The following GNAS variants were observed in gnomAD, a reference collection of about 807,000 sequenced individuals.
GNAS encodes the protein protein ALEX.
GNAS carries 8 observed loss-of-function variants against 54.5 expected under a neutral mutation model. The ratio of observed to expected loss-of-function variants is 0.15; its 90% CI spans 0.09 to 0.26. The LOEUF is 0.26. Ranked by LOEUF, GNAS falls within the 10% of genes least tolerant of loss-of-function variation. The pLI, the probability that GNAS is intolerant of heterozygous loss-of-function variation, is 1.00. For missense variants in GNAS, 170 were observed against 529.8 expected, an observed-to-expected ratio of 0.32 and a Z score of 6.67; for synonymous variants, 204 against 191.4, an observed-to-expected ratio of 1.07 and a Z score of -0.54.
At chr20:58,862,167 T>C (rs1219692528) in intron 1 of GNAS, among the ~76,000 whole-genome samples, 1 of 152,070 alleles carries the variant, frequency 6.6e-6, no homozygotes, top group East Asian at 1.9e-4. Context: ...TTGTTGTTTT[T>C]TGTTTTTTGA....
At chr20:58,842,980 C>T (rs1453580892) in intron 1 of GNAS, among the ~76,000 whole-genome samples, 1 of 152,196 alleles carries the variant, frequency 6.6e-6, no homozygotes, top group Non-Finnish European at 1.5e-5. Flanking sequence ...CCACACCTCA[C>T]ACCCATCTTG....
At chr20:58,889,463 C>G, upstream of GNAS, 2 of 539,408 alleles carry the variant, frequency 3.7e-6, no homozygotes, top group Non-Finnish European at 4.7e-6. Flanking sequence ...CTGCCTTGCC[C>G]CGGGGCGCCT....
At chr20:58,899,025 A>C in intron 3 of GNAS, 40 bp downstream of exon 3, 1 of 1,508,546 alleles carries the variant, frequency 6.6e-7, no homozygotes, top group African/African-American at 1.4e-5. Context: ...TTAACAAACC[A>C]AACAAACATG....
At chr20:58,842,894 A>G (rs1055638331) in intron 1 of GNAS, among the ~76,000 whole-genome samples, 12 of 152,200 alleles carry the variant, frequency 7.9e-5, no homozygotes, top group Non-Finnish European at 1.6e-4. Flanking sequence ...ACAGAGAATT[A>G]TTCATTAGAG....
chr20:58,889,483 C>T (rs1406814445), upstream of GNAS: 3 of 317,582 alleles, frequency 9.4e-6, no homozygotes, highest in Admixed American at 1.3e-4. Context: ...TCCGGGCACC[C>T]CCCAATTCTC....
chr20:58,870,923 C>A lies in GNAS; in HGVS notation c.44-24689C>A, dbSNP rs1026206609. 2.0e-5 allele frequency among the ~76,000 whole-genome samples: 3 copies of A among 152,322 alleles called. No homozygotes were observed. The South Asian group carries it at 6.2e-4, about 32-fold the overall frequency. On this transcript the variant is annotated intron_variant, in intron 1 of 12. Coordinates refer to the GNAS transcript ENST00000306090. The stretch of plus-strand genomic sequence containing the variant: ...AGGAAATCCCCCCAGCCTACCCTCA[C>A]CCTGCTGTGATTTTACTGATCATTA...
intron 1 of GNAS, 81 bp downstream of exon 1, chr20:58,891,946 C>A: frequency 1.1e-6 from 1 of 872,010 alleles, no homozygotes; most frequent in Non-Finnish European, 1.4e-6. Context: ...CGAGCCCGCC[C>A]CCCGCCCCGG....
At chr20:58,862,848 C>G (rs1014855930) in intron 1 of GNAS, among the ~76,000 whole-genome samples, 1 of 151,592 alleles carries the variant, frequency 6.6e-6, no homozygotes, top group African/African-American at 2.4e-5. Flanking sequence ...CACCTGTCAC[C>G]CCTGCCTATC....
At chr20:58,885,432 G>A (rs2088527437) in intron 1 of GNAS, among the ~76,000 whole-genome samples, 1 of 152,204 alleles carries the variant, frequency 6.6e-6, no homozygotes, top group Non-Finnish European at 1.5e-5. Context: ...AGTATGTTCT[G>A]AATTAAAAAC....
chr20:58,848,076 T>C (rs1020843805), intron 1 of GNAS, among the ~76,000 whole-genome samples: 3 of 152,240 alleles, frequency 2.0e-5, no homozygotes, highest in African/African-American at 4.8e-5. Context: ...AAAACGCCAC[T>C]GTTTGCCACC....
chr20:58,858,030 A>AGC (rs2086588858), intron 1 of GNAS, among the ~76,000 whole-genome samples: 1 of 152,212 alleles, frequency 6.6e-6, no homozygotes, highest in African/African-American at 2.4e-5. Flanking sequence ...AGTTTGTCAA[A>AGC]GCAGGCTACA....
At chr20:58,854,987 T>C in intron 1 of GNAS, 1 of 1,612,508 alleles carries the variant, frequency 6.2e-7, no homozygotes, top group East Asian at 2.2e-5. Context: ...GCAGCGACGA[T>C]GACTCCAGCG....
At chr20:58,840,831 T>A, upstream of GNAS, 1 of 1,612,794 alleles carries the variant, frequency 6.2e-7, no homozygotes, top group Non-Finnish European at 8.5e-7. This position sits in a 1 kb window ranked among gnomAD's most constrained non-coding sequence, Gnocchi z 6.0. Context: ...CCCATCCCCA[T>A]CCGGCGTCAC....
At chr20:58,871,454 A>G (rs1178098941) in intron 1 of GNAS, among the ~76,000 whole-genome samples, 1 of 152,004 alleles carries the variant, frequency 6.6e-6, no homozygotes, top group Non-Finnish European at 1.5e-5. Flanking sequence ...ATCTCTACTA[A>G]AAATACAAAA....
At chr20:58,883,486 CT>C (rs1354637334) in intron 1 of GNAS, among the ~76,000 whole-genome samples, 2 of 152,154 alleles carry the variant, frequency 1.3e-5, no homozygotes, top group Non-Finnish European at 2.9e-5. Flanking sequence ...AAAAAATCTC[CT>C]TTTCATCTGA....
intron 1 of GNAS, chr20:58,884,475 C>T (rs755627143): frequency 1.3e-5 from 2 of 152,200 alleles, no homozygotes; most frequent in Non-Finnish European, 2.9e-5. Context: ...TCCAGGTGCA[C>T]CAACTGCCTC....
chr20:58,910,137 G>A lies in GNAS; in HGVS notation c.970+56G>A, dbSNP rs2091340117. On this transcript the variant is annotated intron_variant, in intron 11 of 12. Coordinates refer to ENST00000371085, the MANE Select transcript of GNAS (RefSeq NM_000516.7). The surrounding 1 kb of genome is among the most constrained non-coding windows in gnomAD (Gnocchi z 5.8). ...TCATTGCGGTGGTTCTTTTTCAAAC[G>A]GTCAGGCTGAAAACCCCCATCCCCC... The A allele has an allele frequency of 5.0e-6, 8 of 1,585,428 alleles. No homozygotes were observed. The highest frequency in any genetic ancestry group is 1.3e-5 in the African/African-American group (1 of 74,384).
chr20:58,857,273 C>T lies in GNAS; in HGVS notation c.43+16387C>T, dbSNP rs1265120380. 6.6e-6 allele frequency: 1 copy of T among 152,142 alleles called. No homozygotes were observed. The highest frequency in any genetic ancestry group is 1.5e-5 in the Non-Finnish European group (1 of 68,036). 9.4% of individuals were successfully genotyped at this position (152,142 alleles called of 1,614,324 possible). ...TGAGGATCATTTTGTGTATGCCCATCCAGGTAGATCATGACATTGTCATTT... is the reference window on the plus strand; with the variant it reads ...TGAGGATCATTTTGTGTATGCCCATTCAGGTAGATCATGACATTGTCATTT... On this transcript the variant is annotated intron_variant, in intron 1 of 12. Coordinates refer to the GNAS transcript ENST00000306090. This position sits in a 1 kb window ranked among gnomAD's most constrained non-coding sequence, Gnocchi z 4.1.
At chr20:58,850,165 C>G (rs2086100733) in intron 1 of GNAS, among the ~76,000 whole-genome samples, 1 of 152,172 alleles carries the variant, frequency 6.6e-6, no homozygotes, top group Non-Finnish European at 1.5e-5. Flanking sequence ...AGGCGTCTAT[C>G]CTTCCTTGGA....
Sources: gnomAD v4.1 joint callset for allele counts (sites outside exome capture counted in the v4.1 genomes callset) on GRCh38, gnomAD v4.1.1 for gene constraint, Gnocchi (gnomAD v3.1) non-coding constraint, MANE v1.5 for transcripts, NCBI Gene and HGNC (gene_info 2026-07-23, HGNC 2026-07-21) for gene names.